ANK2: variants seen among roughly 807,000 people sequenced by gnomAD.
ANK2 encodes ankyrin-2.
Under a neutral mutation model 360.5 loss-of-function variants are expected in ANK2, and 83 were observed. That is an observed-to-expected ratio of 0.23 (90% CI 0.19 to 0.28). ANK2 has a LOEUF of 0.28. Ranked by LOEUF, ANK2 falls within the 10% of genes least tolerant of loss-of-function variation. ANK2 has a pLI of 1.00. For synonymous variants in ANK2, 1,740 were observed against 1,759.5 expected, an observed-to-expected ratio of 0.99 and a Z score of 0.28; for missense variants, 4,201 against 4,795.7, an observed-to-expected ratio of 0.88 and a Z score of 3.66.
chr4:112,728,916 C>G, the ANK2 span, among the ~76,000 whole-genome samples: 1 of 152,036 alleles, frequency 6.6e-6, no homozygotes, highest in Non-Finnish European at 1.5e-5. Flanking sequence ...GTGGCTCAAG[C>G]CTGTAATCCT....
At chr4:112,732,531 G>T in the ANK2 span, among the ~76,000 whole-genome samples, 1 of 152,102 alleles carries the variant, frequency 6.6e-6, no homozygotes, top group Non-Finnish European at 1.5e-5. Flanking sequence ...ACAGGCCTGT[G>T]CCCAGCCAGA....
At chr4:113,275,743 TGTA>T (rs2059993079) in intron 15 of ANK2, among the ~76,000 whole-genome samples, 1 of 150,076 alleles carries the variant, frequency 6.7e-6, no homozygotes, top group Non-Finnish European at 1.5e-5. Context: ...AAGCAACAAA[TGTA>T]GTAATAACCT....
chr4:112,811,228 C>T, the ANK2 span, among the ~76,000 whole-genome samples: 1 of 152,126 alleles, frequency 6.6e-6, no homozygotes, highest in African/African-American at 2.4e-5. Flanking sequence ...TGAGCCACCG[C>T]GCCCGGCCAC....
In ANK2 at chr4:112,942,407, C is replaced by G. The variant is rs150459604; in HGVS notation, c.21+37893C>G. ...TTATGTTCAAAGCAATTAATAGTCACTTTGTATTTGTGATTTAGTTTTATG... is the reference window on the plus strand; with the variant it reads ...TTATGTTCAAAGCAATTAATAGTCAGTTTGTATTTGTGATTTAGTTTTATG... On this transcript the variant is annotated intron_variant, in intron 2 of 30. Transcript: ENST00000503271. Among the ~76,000 whole-genome samples, 3 of 152,094 alleles carry G rather than the reference C, an allele frequency of 2.0e-5. No individual in the cohort carries two copies. The East Asian group carries it at 5.8e-4, about 29-fold the overall frequency.
chr4:112,809,025 A>T, the ANK2 span, among the ~76,000 whole-genome samples: 1 of 151,542 alleles, frequency 6.6e-6, no homozygotes, highest in South Asian at 2.1e-4. Context: ...CACCTGGCTA[A>T]TTTTTTTATT....
At chr4:113,123,269 T>G (rs1037746343) in intron 1 of ANK2, among the ~76,000 whole-genome samples, 1 of 152,082 alleles carries the variant, frequency 6.6e-6, no homozygotes, top group Non-Finnish European at 1.5e-5. Flanking sequence ...AGTCCCCTTA[T>G]TCACCAATTG....
chr4:113,329,026 A>G (rs1255998305), intron 26 of ANK2, among the ~76,000 whole-genome samples: 1 of 152,196 alleles, frequency 6.6e-6, no homozygotes. Flanking sequence ...GACATGATAC[A>G]CCTGTATGTT....
chr4:112,964,029 T>G (rs1026801086), intron 2 of ANK2, among the ~76,000 whole-genome samples: 5 of 151,334 alleles, frequency 3.3e-5, no homozygotes, highest in Non-Finnish European at 5.9e-5. Flanking sequence ...AAAACATGAC[T>G]TTTTCAATTT....
intron 26 of ANK2, among the ~76,000 whole-genome samples, chr4:113,320,202 G>A (rs1399917162): frequency 1.3e-5 from 2 of 152,082 alleles, no homozygotes; most frequent in African/African-American, 2.4e-5. Flanking sequence ...TGAACCAACA[G>A]CATCCAGTAG....
At chr4:113,331,694 T>A (rs1292508599) in intron 27 of ANK2, among the ~76,000 whole-genome samples, 3 of 152,198 alleles carry the variant, frequency 2.0e-5, no homozygotes, top group Non-Finnish European at 4.4e-5. Context: ...GTCTTTCTTG[T>A]GGAGCATTTT....
chr4:112,804,300 G>A, the ANK2 span, among the ~76,000 whole-genome samples: 42,661 of 151,970 alleles, frequency 0.28, 6,246 homozygotes, highest in East Asian at 0.35. Context: ...GATTACAGGC[G>A]TGAGCCACCG....
intron 1 of ANK2, among the ~76,000 whole-genome samples, chr4:112,882,740 G>C (rs2077056983): frequency 6.6e-6 from 1 of 151,810 alleles, no homozygotes; most frequent in Non-Finnish European, 1.5e-5. Context: ...CCTAGGTTCT[G>C]TTGATTTTGT....
intron 26 of ANK2, among the ~76,000 whole-genome samples, chr4:113,319,657 G>A (rs2084913247): frequency 6.6e-6 from 1 of 151,844 alleles, no homozygotes; most frequent in Non-Finnish European, 1.5e-5. Flanking sequence ...AATAACATAA[G>A]TTATATAGTT....
the ANK2 span, among the ~76,000 whole-genome samples, chr4:112,807,855 C>T: frequency 6.6e-6 from 1 of 152,138 alleles, no homozygotes; most frequent in Non-Finnish European, 1.5e-5. Flanking sequence ...CAAAAAAAGA[C>T]ATGTTTATTA....
intron 1 of ANK2, among the ~76,000 whole-genome samples, chr4:113,081,992 A>G (rs149291893): frequency 0.017 from 2,514 of 152,186 alleles, 35 homozygotes; most frequent in Non-Finnish European, 0.026. Context: ...TATTTTTAGT[A>G]GAGATGGGGT....
At chr4:113,326,869 A>G (rs946578393) in intron 26 of ANK2, among the ~76,000 whole-genome samples, 11 of 152,078 alleles carry the variant, frequency 7.2e-5, no homozygotes, top group African/African-American at 2.4e-4. Flanking sequence ...GCCAGGTGCA[A>G]TGATGCTGCC....
intron 4 of ANK2, among the ~76,000 whole-genome samples, chr4:113,223,776 C>G (rs1338190323): frequency 1.3e-5 from 2 of 152,136 alleles, no homozygotes; most frequent in Non-Finnish European, 2.9e-5. Context: ...ATATTATTAG[C>G]TTAAAACAGC....
intron 1 of ANK2, among the ~76,000 whole-genome samples, chr4:112,866,713 T>C (rs1290338040): frequency 3.3e-5 from 5 of 152,186 alleles, no homozygotes; most frequent in African/African-American, 1.2e-4. Context: ...GGTAGTATTT[T>C]GCAATGCTAC....
chr4:112,890,096 T>C (rs2079518497), intron 1 of ANK2, among the ~76,000 whole-genome samples: 1 of 152,224 alleles, frequency 6.6e-6, no homozygotes, highest in African/African-American at 2.4e-5. Context: ...GTGAAACTAA[T>C]AATGTTGGGG....
Sources: allele counts gnomAD v4.1 joint callset (sites outside exome capture counted in the v4.1 genomes callset), GRCh38; gene constraint gnomAD v4.1.1; transcripts MANE v1.5; gene names NCBI Gene and HGNC (gene_info 2026-07-23, HGNC 2026-07-21).